Variants in JAK2 observed in about 807,000 individuals in gnomAD.
JAK2 encodes Janus kinase 2.
In JAK2, 86 loss-of-function variants were observed where a neutral mutation model predicts 139.3. That is an observed-to-expected ratio of 0.62 (90% CI 0.52 to 0.74). The LOEUF is 0.74. Among genes scored for constraint, JAK2 ranks in the 30% least tolerant of loss-of-function variants. The pLI is 0.00. For synonymous variants in JAK2, 490 were observed against 437.7 expected, an observed-to-expected ratio of 1.12 and a Z score of -1.49; for missense variants, 1,421 against 1,360.3, an observed-to-expected ratio of 1.04 and a Z score of -0.70.
intron 23 of JAK2, 138 bp downstream of exon 23, chr9:5,123,259 T>G (rs1823755621): frequency 1.8e-6 from 1 of 550,592 alleles, no homozygotes; most frequent in African/African-American, 1.9e-5. Context: ...ATCCACCACC[T>G]TAATAACATA....
At chr9:5,086,749 C>T (rs1301059993) in intron 19 of JAK2, among the ~76,000 whole-genome samples, 4 of 152,090 alleles carry the variant, frequency 2.6e-5, no homozygotes, top group Non-Finnish European at 5.9e-5. Flanking sequence ...TGGCTTTTTT[C>T]AACATAAATG....
chr9:5,091,879 G>A (rs1319851870), intron 22 of JAK2, among the ~76,000 whole-genome samples: 3 of 152,202 alleles, frequency 2.0e-5, no homozygotes, highest in Non-Finnish European at 4.4e-5. Flanking sequence ...TTGCTAGTAA[G>A]AGACCTAGGG....
chr9:5,009,246 A>T (rs553457760), intron 2 of JAK2, among the ~76,000 whole-genome samples: 16 of 152,298 alleles, frequency 1.1e-4, no homozygotes, highest in African/African-American at 3.6e-4. Flanking sequence ...CGATCCATTT[A>T]TTTATTTCTA....
intron 22 of JAK2, among the ~76,000 whole-genome samples, chr9:5,101,763 C>A (rs1821507895): frequency 6.6e-6 from 1 of 152,210 alleles, no homozygotes; most frequent in Non-Finnish European, 1.5e-5. Context: ...CAAACAGAGT[C>A]TGGAGTGGAC....
chr9:5,025,101 G>A (rs961679343), intron 3 of JAK2, among the ~76,000 whole-genome samples: 1 of 151,956 alleles, frequency 6.6e-6, no homozygotes, highest in African/African-American at 2.4e-5. Context: ...CCTATTTTCT[G>A]TAGTTTATAT....
In JAK2 at chr9:5,080,578, TG is replaced by T; in HGVS notation, c.2332del (p.Ala778GlnfsTer3). 1 of 1,602,400 alleles carries T rather than the reference TG, an allele frequency of 6.2e-7. No homozygotes were observed. The highest frequency in any genetic ancestry group is 8.5e-7 in the Non-Finnish European group (1 of 1,177,076). On this transcript the variant is annotated frameshift_variant, in exon 18 of 25. Coordinates refer to ENST00000381652, the MANE Select transcript of JAK2 (RefSeq NM_004972.4). LOFTEE classifies it high-confidence loss of function. ...EDRHQLPAPK[W>X]AELANLINNC... ...TAGGCATCAGCTTCCTGCACCAAAGTGGGCAGAATTAGCAAACCTTATAAAT... is the reference window on the plus strand; with the variant it reads ...TAGGCATCAGCTTCCTGCACCAAAGTGGCAGAATTAGCAAACCTTATAAAT...
intron 16 of JAK2, among the ~76,000 whole-genome samples, chr9:5,078,843 T>C (rs1819485326): frequency 6.6e-6 from 1 of 152,224 alleles, no homozygotes; most frequent in Non-Finnish European, 1.5e-5. Context: ...GAAATTAGTT[T>C]AATTATCCAG....
intron 4 of JAK2, chr9:5,041,515 C>G: frequency 1.8e-6 from 1 of 557,838 alleles, no homozygotes; most frequent in East Asian, 4.7e-5. Flanking sequence ...ACATAGCGCG[C>G]CACGCCCATC....
At chr9:5,104,498 C>T (rs1043893535) in intron 22 of JAK2, among the ~76,000 whole-genome samples, 8 of 152,188 alleles carry the variant, frequency 5.3e-5, no homozygotes, top group African/African-American at 1.9e-4. Flanking sequence ...GGAGCTGATA[C>T]CATTCCTTCT....
intron 18 of JAK2, 97 bp from the exon 19 acceptor site, chr9:5,081,628 T>C (rs1586755030): frequency 2.5e-6 from 2 of 784,714 alleles, no homozygotes; most frequent in East Asian, 5.1e-5. Context: ...TTAGTATTTT[T>C]AACTCACGAT....
chr9:5,055,875 C>G (rs1037412573), intron 8 of JAK2, 87 bp downstream of exon 8: 19 of 1,224,460 alleles, frequency 1.6e-5, no homozygotes, highest in Non-Finnish European at 1.9e-5. Flanking sequence ...AAATTATTTT[C>G]TGGTAGGAAT....
intron 5 of JAK2, among the ~76,000 whole-genome samples, chr9:5,048,150 C>CTT (rs200841088): frequency 1.3e-5 from 2 of 150,656 alleles, no homozygotes; most frequent in African/African-American, 2.4e-5. Context: ...TCTTTTCTTT[C>CTT]TTTTTTTTTG....
chr9:5,116,585 A>T (rs1823192985), intron 22 of JAK2, among the ~76,000 whole-genome samples: 1 of 152,234 alleles, frequency 6.6e-6, no homozygotes, highest in Non-Finnish European at 1.5e-5. Flanking sequence ...CAATCAAAAA[A>T]TATTAGTTAT....
chr9:5,000,964 C>T (rs752754224), intron 2 of JAK2, among the ~76,000 whole-genome samples: 2 of 151,928 alleles, frequency 1.3e-5, no homozygotes, highest in Non-Finnish European at 2.9e-5. Context: ...CAGCAAATTC[C>T]CAAGATAGCA....
intron 5 of JAK2, among the ~76,000 whole-genome samples, chr9:5,050,265 A>G (rs1048186875): frequency 2.0e-5 from 3 of 152,214 alleles, no homozygotes; most frequent in African/African-American, 7.2e-5. Flanking sequence ...AAAATGAATG[A>G]AAATTAAAGG....
intron 2 of JAK2, among the ~76,000 whole-genome samples, chr9:5,004,948 G>A (rs921591834): frequency 7.2e-6 from 1 of 139,344 alleles, no homozygotes; most frequent in East Asian, 2.0e-4. Flanking sequence ...ACAGAGTCTT[G>A]CTCTGTTGCC....
Position 4,987,929 on chromosome 9 carries a change from T to C in JAK2, c.-26+1907T>C, listed in dbSNP as rs138012342. ...TTCAGAGAAGGGCAGAATGACTGCA[T>C]AAGGTGATCTGCCTGTAACTCGTGT... On this transcript the variant is annotated intron_variant, in intron 2 of 24. Coordinates refer to ENST00000381652, the MANE Select transcript of JAK2 (RefSeq NM_004972.4). Among the ~76,000 whole-genome samples, 219 of 152,252 alleles carry C rather than the reference T, an allele frequency of 1.4e-3. 2 individuals are homozygous for C. The highest frequency in any genetic ancestry group is 4.7e-3 in the African/African-American group (196 of 41,542).
In JAK2 at chr9:5,108,576, G is replaced by A. The variant is rs572019984; in HGVS notation, c.3060-14428G>A. On this transcript the variant is annotated intron_variant, in intron 22 of 24. Coordinates refer to ENST00000381652, the MANE Select transcript of JAK2 (RefSeq NM_004972.4). ...CGGACTTCACCTGTGACTCCCAAAA[G>A]CCCATGTAGAAGCCCCTATTGCCGG... 2.2e-4 allele frequency: 34 copies of A among 152,084 alleles called. 1 individual carries two copies. The highest frequency in any genetic ancestry group is 1.6e-3 in the Admixed American group (25 of 15,276). 9.4% of individuals were successfully genotyped at this position (152,084 alleles called of 1,614,324 possible). A position where few individuals can be genotyped will look rare whatever the true frequency, so the allele number is the denominator to read the frequency against.
intron 2 of JAK2, among the ~76,000 whole-genome samples, chr9:4,997,434 G>A (rs1288191063): frequency 6.6e-6 from 1 of 152,144 alleles, no homozygotes; most frequent in African/African-American, 2.4e-5. Flanking sequence ...AAGAGCTGGA[G>A]CAAAAGAGAA....
Sources: allele counts gnomAD v4.1 joint callset (sites outside exome capture counted in the v4.1 genomes callset), GRCh38; gene constraint gnomAD v4.1.1; transcripts MANE v1.5; gene names NCBI Gene and HGNC (gene_info 2026-07-23, HGNC 2026-07-21).